Variants in TBCE observed in about 807,000 individuals in gnomAD.
The protein encoded by TBCE is tubulin-specific chaperone E.
In TBCE, 53 loss-of-function variants were observed where a neutral mutation model predicts 77.0. That is an observed-to-expected ratio of 0.69 (90% CI 0.55 to 0.87). The LOEUF (loss-of-function observed/expected upper bound fraction) is 0.87, where lower values mean the gene tolerates loss of function less well. Among genes scored for constraint, TBCE ranks in the 40% least tolerant of loss-of-function variants. The pLI, the probability that TBCE is intolerant of heterozygous loss-of-function variation, is 0.00. For missense variants in TBCE, 624 were observed against 622.4 expected (o/e 1.00, Z -0.03); for synonymous variants, 235 against 241.3 (o/e 0.97, Z 0.24).
chr1:235,410,823 T>TAA (rs1679743195), intron 3 of TBCE, among the ~76,000 whole-genome samples: 1 of 152,146 alleles, frequency 6.6e-6, no homozygotes, highest in Non-Finnish European at 1.5e-5. Flanking sequence ...AACTGTTGGG[T>TAA]CTCTTGCATT....
At chr1:235,369,648 C>T (rs1398148987) in intron 1 of TBCE, among the ~76,000 whole-genome samples, 1 of 119,570 alleles carries the variant, frequency 8.4e-6, no homozygotes, top group African/African-American at 3.7e-5. Context: ...GTGGCGAAAC[C>T]CCGTCTCTAC....
Position 235,438,890 on chromosome 1 carries a change from C to T in TBCE, c.1238C>T (p.Thr413Ile). 6.2e-7 allele frequency: 1 copy of T among 1,614,170 alleles called. No individual in the cohort carries two copies. Among genetic ancestry groups the T allele is most frequent in the Non-Finnish European group, 8.5e-7 (1 of 1,180,042 alleles). Reference sequence around the variant, plus strand: ...AACAGACTCAGCGAAGAATTCCTCACAGCCCATCCCAGATACCAGTTCCTC... The same window carrying T: ...AACAGACTCAGCGAAGAATTCCTCATAGCCCATCCCAGATACCAGTTCCTC... ...EKNRLSEEFL[T>I]AHPRYQFLCL... The change falls in exon 13 of 17, where the codon ACA becomes ATA. Residue 413 changes from threonine to isoleucine, a missense_variant. Coordinates refer to ENST00000642610, the MANE Select transcript of TBCE (RefSeq NM_003193.5).
intron 2 of TBCE, among the ~76,000 whole-genome samples, chr1:235,400,699 CTT>C (rs1012601112): frequency 1.5e-5 from 2 of 133,550 alleles, no homozygotes. Flanking sequence ...TGTGCCCAGC[CTT>C]TTTTTTTTTT....
At chr1:235,400,051 TTTA>T (rs1678998474) in intron 2 of TBCE, among the ~76,000 whole-genome samples, 1 of 152,190 alleles carries the variant, frequency 6.6e-6, no homozygotes, top group Non-Finnish European at 1.5e-5. Flanking sequence ...CAGTTAATTT[TTTA>T]TTATTTAGAG....
intron 9 of TBCE, 158 bp from the exon 10 acceptor site, chr1:235,436,228 A>T (rs1297121903): frequency 8.7e-6 from 6 of 689,162 alleles, no homozygotes; most frequent in Non-Finnish European, 1.5e-5. Context: ...TAAAGAGTTC[A>T]CTTTGCATGT....
chr1:235,435,650 C>G (rs1681401157), intron 8 of TBCE, 95 bp from the exon 9 acceptor site: 2 of 1,184,538 alleles, frequency 1.7e-6, no homozygotes, highest in Non-Finnish European at 2.5e-6. Context: ...TTATCCCCAG[C>G]CCTCCATCGC....
At chr1:235,401,216 T>G (rs1679082235) in intron 2 of TBCE, among the ~76,000 whole-genome samples, 1 of 152,132 alleles carries the variant, frequency 6.6e-6, no homozygotes, top group Admixed American at 6.6e-5. Context: ...TGGTGGCTTA[T>G]TTCTCTTAGT....
chr1:235,435,169 C>T (rs769145048), intron 8 of TBCE, among the ~76,000 whole-genome samples: 4 of 151,658 alleles, frequency 2.6e-5, no homozygotes, highest in Non-Finnish European at 4.4e-5. Flanking sequence ...GGCACCATCT[C>T]GGCTCACTGC....
At chr1:235,442,401 C>T (rs910494348) in intron 14 of TBCE, among the ~76,000 whole-genome samples, 1 of 152,202 alleles carries the variant, frequency 6.6e-6, no homozygotes, top group African/African-American at 2.4e-5. Context: ...AACTCCTGAC[C>T]TCAGGAGATC....
At chr1:235,408,223 A>G (rs1280108543) in intron 3 of TBCE, among the ~76,000 whole-genome samples, 1 of 152,212 alleles carries the variant, frequency 6.6e-6, no homozygotes, top group Non-Finnish European at 1.5e-5. Context: ...TAGATACCCC[A>G]TTCACCCTGA....
chr1:235,383,229 T>C (rs1357484170), intron 2 of TBCE, among the ~76,000 whole-genome samples: 1 of 151,504 alleles, frequency 6.6e-6, no homozygotes, highest in East Asian at 1.9e-4. Context: ...CCTTGTAGTA[T>C]AGTTTGAAGT....
chr1:235,431,614 G>A (rs569179777), intron 7 of TBCE, among the ~76,000 whole-genome samples: 1 of 152,022 alleles, frequency 6.6e-6, no homozygotes, highest in East Asian at 1.9e-4. Context: ...GCCCGCCTCG[G>A]CCTCCCAAAG....
chr1:235,430,831 A>G (rs763074261), intron 7 of TBCE, 27 bp downstream of exon 7: 28 of 1,564,480 alleles, frequency 1.8e-5, no homozygotes, highest in Admixed American at 5.0e-5. Context: ...GTTTTATTAC[A>G]CATTAATAAG....
chr1:235,411,769 A>G (rs1679793952), intron 3 of TBCE, among the ~76,000 whole-genome samples: 1 of 152,072 alleles, frequency 6.6e-6, no homozygotes, highest in Non-Finnish European at 1.5e-5. Flanking sequence ...TTTCCTGCAT[A>G]ATCAGCTTCC....
chr1:235,420,969 T>C (rs1680367866), intron 5 of TBCE, among the ~76,000 whole-genome samples: 2 of 152,362 alleles, frequency 1.3e-5, no homozygotes, highest in Non-Finnish European at 1.5e-5. Flanking sequence ...TTCTGTTTCA[T>C]GCAGCTGAAT....
chr1:235,403,355 C>T (rs1396956780), intron 3 of TBCE, among the ~76,000 whole-genome samples: 1 of 152,124 alleles, frequency 6.6e-6, no homozygotes, highest in Non-Finnish European at 1.5e-5. Flanking sequence ...CACAGGCGAA[C>T]GCTACCACGT....
In TBCE at chr1:235,373,671, C is replaced by T. The variant is rs375404342; in HGVS notation, c.-32+6167C>T. Among the ~76,000 whole-genome samples, 123 of 151,170 alleles carry T rather than the reference C, an allele frequency of 8.1e-4. No homozygotes were observed. The South Asian group carries it at 0.012, about 15-fold the overall frequency. On this transcript the variant is annotated intron_variant, in intron 1 of 16. Coordinates refer to ENST00000642610, the MANE Select transcript of TBCE (RefSeq NM_003193.5). ...ATTTTATTTTATTTTATTTTTGAGA[C>T]GGAGTCTCGCTCTGTCGCCCAGGCT...
chr1:235,414,835 T>C (rs1169675399), intron 4 of TBCE: 5 of 544,980 alleles, frequency 9.2e-6, no homozygotes, highest in Admixed American at 6.2e-5. Flanking sequence ...CAGTTTGCAA[T>C]TGAAATATTT....
At chr1:235,442,698 T>C (rs776594154) in intron 14 of TBCE, among the ~76,000 whole-genome samples, 154 bp from the exon 15 acceptor site, 4 of 152,330 alleles carry the variant, frequency 2.6e-5, no homozygotes, top group Non-Finnish European at 4.4e-5. Flanking sequence ...TAGCAATCCA[T>C]GGAAGGATTA....
Sources: gnomAD v4.1 joint callset for allele counts (sites outside exome capture counted in the v4.1 genomes callset) on GRCh38, gnomAD v4.1.1 for gene constraint, MANE v1.5 for transcripts, NCBI Gene and HGNC (gene_info 2026-07-23, HGNC 2026-07-21) for gene names.